CLK4: variants seen among roughly 807,000 people sequenced by gnomAD.
The protein encoded by CLK4 is CDC like kinase 4.
In CLK4, 37 loss-of-function variants were observed where a neutral mutation model predicts 64.4. The ratio of observed to expected loss-of-function variants is 0.57; its 90% CI spans 0.44 to 0.76. The LOEUF (loss-of-function observed/expected upper bound fraction) is 0.76, where lower values mean the gene tolerates loss of function less well. Ranked by LOEUF, CLK4 falls within the 30% of genes least tolerant of loss-of-function variation. The pLI is 0.00. For missense variants in CLK4, 457 were observed against 605.1 expected (o/e 0.76, Z 2.57); for synonymous variants, 175 against 191.6 (o/e 0.91, Z 0.72).
rs972840676 is a variant in CLK4, at chr5:178,609,677, C to T, written c.1052-1219G>A. On this transcript the variant is annotated intron_variant, in intron 9 of 12. Transcript: ENST00000316308. ...TAGCCTGGGCAATAAAAGCAAAACTCCATCTCAAAAAAATAAATAAACAAA... is the reference window on the plus strand; with the variant it reads ...TAGCCTGGGCAATAAAAGCAAAACTTCATCTCAAAAAAATAAATAAACAAA... Among the ~76,000 whole-genome samples, 22 of 146,824 alleles carry T rather than the reference C, an allele frequency of 1.5e-4. No individual in the cohort carries two copies. The East Asian group carries it at 3.2e-3, about 21-fold the overall frequency.
chr5:178,622,257 C>T lies in CLK4; in HGVS notation c.161+999G>A, dbSNP rs181470457. The T allele has an allele frequency of 3.0e-3, 527 of 177,316 alleles. 1 individual carries two copies. Among genetic ancestry groups the T allele is most frequent in the African/African-American group, 0.011 (473 of 42,036 alleles). 11.0% of individuals were successfully genotyped at this position (177,316 alleles called of 1,614,324 possible). On this transcript the variant is annotated intron_variant, in intron 2 of 12. Coordinates refer to ENST00000316308, the MANE Select transcript of CLK4 (RefSeq NM_020666.3). ...ATTAATTATTAATTATCTCTGGTCT[C>T]TGAAATCCTGTCATAAACCTTCCCC... is the stretch of plus-strand genomic sequence containing the variant.
In CLK4 at chr5:178,612,888, A is replaced by G. The variant is rs1453357544; in HGVS notation, c.829T>C (p.Leu277=). Residue 277 remains leucine (L), a splice_region_variant and synonymous_variant, in exon 8 of 13, where the codon TTA becomes CTA. Coordinates refer to ENST00000316308, the MANE Select transcript of CLK4 (RefSeq NM_020666.3). ...GTATGGGTTAATTTATTATGATGTA[A>G]AACTACAAGAGAACAAAAGCACATT... The part of the protein sequence containing the change: ...AYQICQSINF[L]HHNKLTHTDL... The G allele has an allele frequency of 2.7e-6, 4 of 1,457,554 alleles. No homozygotes were observed. Among genetic ancestry groups the G allele is most frequent in the Non-Finnish European group, 3.8e-6 (4 of 1,050,368 alleles). 90.3% of individuals were successfully genotyped at this position (1,457,554 alleles called of 1,614,324 possible). A position where few individuals can be genotyped will look rare whatever the true frequency, so the allele number is the denominator to read the frequency against.
rs138589000 is a variant in CLK4 at position 178,614,050 on chromosome 5, T to C, written c.543-207A>G. On this transcript the variant is annotated intron_variant, in intron 5 of 12. Transcript: ENST00000316308. The stretch of plus-strand genomic sequence containing the variant: ...GAAGTGATAATTCCCTTAATACTTA[T>C]GAGTTTTAACGTTTGCTCCTAGAAT... 6.0e-4 allele frequency among the ~76,000 whole-genome samples: 92 copies of C among 152,370 alleles called. 1 individual carries two copies. Among genetic ancestry groups the C allele is most frequent in the African/African-American group, 2.0e-3 (84 of 41,598 alleles).
Position 178,624,616 on chromosome 5 carries a change from G to A in CLK4, c.1-1200C>T, listed in dbSNP as rs148875343. Among the ~76,000 whole-genome samples the A allele has an allele frequency of 4.1e-3, 617 of 152,248 alleles. 1 individual carries two copies. Among genetic ancestry groups the A allele is most frequent in the African/African-American group, 0.014 (588 of 41,526 alleles). ...CCCATCTTAATTATTTTCCAAAACAGTTAAGTTTTAACAGTCAGGTCCAAA... is the reference window on the plus strand; with the variant it reads ...CCCATCTTAATTATTTTCCAAAACAATTAAGTTTTAACAGTCAGGTCCAAA... On this transcript the variant is annotated intron_variant, in intron 1 of 12. Coordinates refer to ENST00000316308, the MANE Select transcript of CLK4 (RefSeq NM_020666.3).
At chr5:178,624,528 T>G (rs983282646) in intron 1 of CLK4, among the ~76,000 whole-genome samples, 5 of 151,746 alleles carry the variant, frequency 3.3e-5, no homozygotes, top group Admixed American at 6.5e-5. Context: ...CTCCAGTGCA[T>G]AACCTGGGTT....
intron 8 of CLK4, 121 bp from the exon 9 acceptor site, chr5:178,612,666 A>G (rs2113805937): frequency 8.4e-7 from 1 of 1,188,076 alleles, no homozygotes. Flanking sequence ...AAAGGCAAAG[A>G]AGGATTACTT....
At chr5:178,624,957 C>A (rs1258594830) in intron 1 of CLK4, among the ~76,000 whole-genome samples, 1 of 152,268 alleles carries the variant, frequency 6.6e-6, no homozygotes, top group Non-Finnish European at 1.5e-5. Context: ...CTATACCCAT[C>A]AAGCATCCTT....
rs375572010 is a variant in CLK4, at chr5:178,624,744, CTCAT to C, written c.1-1332_1-1329del. Among the ~76,000 whole-genome samples the C allele has an allele frequency of 3.4e-3, 515 of 152,252 alleles. 1 individual carries two copies. Among genetic ancestry groups the C allele is most frequent in the African/African-American group, 0.011 (464 of 41,538 alleles). ...ATGGAGTAAAACCCACTCAGTTAAC[CTCAT>C]TCAGCTTGCCCAAATGACTAATAAG... On this transcript the variant is annotated intron_variant, in intron 1 of 12. Coordinates refer to ENST00000316308, the MANE Select transcript of CLK4 (RefSeq NM_020666.3).
In CLK4 at chr5:178,608,537, T is replaced by G; in HGVS notation, c.1052-79A>C. The G allele has an allele frequency of 3.9e-6, 4 of 1,030,980 alleles. No individual in the cohort carries two copies. In the South Asian group the frequency reaches 6.1e-5, roughly 16 times the overall value. The allele number at this position is 1,030,980 out of a possible 1,614,324, so 63.9% of individuals were successfully genotyped here. On this transcript the variant is annotated intron_variant, in intron 9 of 12. Coordinates refer to ENST00000316308, the MANE Select transcript of CLK4 (RefSeq NM_020666.3). The stretch of plus-strand genomic sequence containing the variant: ...TACATTAAATCCTTCCCTATATGAG[T>G]GCTCCCTTTACAGAACCCATTTGGG...
In CLK4 at chr5:178,623,314, T is replaced by A; in HGVS notation, c.103A>T (p.Ser35Cys). ...CAATGCCTGTTCTCTTGTGTGCTACTATGAGATCTCCTCTTCCGCTTGTGA... is the reference window on the plus strand; with the variant it reads ...CAATGCCTGTTCTCTTGTGTGCTACAATGAGATCTCCTCTTCCGCTTGTGA... ...GSHKRKRRSH[S>C]STQENRHCKP... Residue 35 changes from serine (S) to cysteine (C), a missense_variant, in exon 2 of 13, where the codon AGT (serine) becomes TGT (cysteine). Coordinates refer to ENST00000316308, the MANE Select transcript of CLK4 (RefSeq NM_020666.3). The A allele has an allele frequency of 6.2e-7, 1 of 1,614,078 alleles. No homozygotes were observed. The highest frequency in any genetic ancestry group is 8.5e-7 in the Non-Finnish European group (1 of 1,179,950).
chr5:178,612,373 CTCT>C (rs1186047227), intron 9 of CLK4, 40 bp downstream of exon 9: 1 of 1,537,428 alleles, frequency 6.5e-7, no homozygotes. Context: ...GAACAAAAAT[CTCT>C]TCTTCAATTA....
intron 1 of CLK4, among the ~76,000 whole-genome samples, chr5:178,625,827 C>A (rs1764771720): frequency 6.6e-6 from 1 of 152,192 alleles, no homozygotes; most frequent in East Asian, 1.9e-4. Flanking sequence ...CAGCCTCTGA[C>A]CTCCCCCACT....
rs1438313015 is a variant in CLK4, at chr5:178,603,731, T to C, written c.1332A>G (p.Glu444=). ...LKEFMLCHDE[E]HEKLFDLVRR... is the part of the protein sequence containing the mutation. ...GAACCAGGTCAAACAGTTTCTCATGTTCTTCATCATGACAAAGCATAAATT... is the reference window on the plus strand; with the variant it reads ...GAACCAGGTCAAACAGTTTCTCATGCTCTTCATCATGACAAAGCATAAATT... The change falls in exon 13 of 13, where the codon GAA becomes GAG. Residue 444 remains glutamate (E), a synonymous_variant. Transcript: ENST00000316308. 1.3e-6 allele frequency: 2 copies of C among 1,594,396 alleles called. No homozygotes were observed. The highest frequency in any genetic ancestry group is 1.8e-5 in the Admixed American group (1 of 54,346).
chr5:178,607,507 C>CTTTTTTTTTT (rs70997615), intron 10 of CLK4, among the ~76,000 whole-genome samples: 14 of 78,074 alleles, frequency 1.8e-4, no homozygotes, highest in Non-Finnish European at 2.5e-4. Context: ...TACACTTTGT[C>CTTTTTTTTTT]TTTTTTTTTT....
chr5:178,623,052 A>G, intron 2 of CLK4: 1 of 527,140 alleles, frequency 1.9e-6, no homozygotes, highest in Admixed American at 3.7e-5. Flanking sequence ...TCCCAGGCAG[A>G]CAGACATACA....
chr5:178,606,208 CAA>C (rs1764465413), intron 10 of CLK4, among the ~76,000 whole-genome samples: 3 of 152,132 alleles, frequency 2.0e-5, no homozygotes, highest in Admixed American at 2.0e-4. Flanking sequence ...ATTTAAAACT[CAA>C]AGTGATTTAT....
chr5:178,618,901 T>C lies in CLK4; in HGVS notation c.162-123A>G, dbSNP rs1431648923. 12 of 663,352 alleles carry C rather than the reference T, an allele frequency of 1.8e-5. No homozygotes were observed. The South Asian group carries it at 2.4e-4, about 13-fold the overall frequency. 41.1% of individuals were successfully genotyped at this position (663,352 alleles called of 1,614,324 possible). On this transcript the variant is annotated intron_variant, in intron 2 of 12. Transcript: ENST00000316308. Reference sequence around the variant, plus strand: ...AATATAAGAAAAAAATTCAAACAGATGAATTAGCATTTATATTTATCTCAT... The same window carrying C: ...AATATAAGAAAAAAATTCAAACAGACGAATTAGCATTTATATTTATCTCAT...
At chr5:178,607,156 A>T (rs1376013250) in intron 10 of CLK4, among the ~76,000 whole-genome samples, 1 of 151,942 alleles carries the variant, frequency 6.6e-6, no homozygotes, top group Non-Finnish European at 1.5e-5. Context: ...ATAATCTCTA[A>T]ATAAGGGTCA....
chr5:178,609,161 G>A (rs923600617), intron 9 of CLK4, among the ~76,000 whole-genome samples: 8 of 152,072 alleles, frequency 5.3e-5, no homozygotes, highest in African/African-American at 1.9e-4. Context: ...AATCTATACT[G>A]ACTGGGAAGG....
Sources: allele counts gnomAD v4.1 joint callset (sites outside exome capture counted in the v4.1 genomes callset), GRCh38; gene constraint gnomAD v4.1.1; transcripts MANE v1.5; gene names NCBI Gene and HGNC (gene_info 2026-07-23, HGNC 2026-07-21).